Variants in PXN observed in about 807,000 individuals in gnomAD.
PXN encodes paxillin.
Under a neutral mutation model 103.6 loss-of-function variants are expected in PXN, and 61 were observed. The ratio of observed to expected loss-of-function variants is 0.59; its 90% CI spans 0.48 to 0.73. PXN has a LOEUF of 0.73. Ranked by LOEUF, PXN falls within the 30% of genes least tolerant of loss-of-function variation. The pLI is 0.00. For missense variants in PXN, 1,274 were observed against 1,460.3 expected, an observed-to-expected ratio of 0.87 and a Z score of 2.08; for synonymous variants, 562 against 607.8, an observed-to-expected ratio of 0.92 and a Z score of 1.11.
Position 120,212,819 on chromosome 12 carries a change from A to G in PXN, c.2980-239T>C. The G allele has an allele frequency of 4.7e-6, 2 of 429,090 alleles. No homozygotes were observed. The highest frequency in any genetic ancestry group is 8.2e-6 in the Non-Finnish European group (2 of 243,310). 26.6% of individuals were successfully genotyped at this position (429,090 alleles called of 1,614,324 possible). On this transcript the variant is annotated intron_variant, in intron 14 of 14. Transcript: ENST00000637617. This position sits in a 1 kb window ranked among gnomAD's most constrained non-coding sequence, Gnocchi z 7.2. ...ATGCTGGTCAAATGTGGCCTCCTGC[A>G]ATCCTCCCACCTCGGCCTCCCACAG...
rs925512408 is a variant in PXN at position 120,217,912 on chromosome 12, T to G, written c.1717-796A>C. Among the ~76,000 whole-genome samples, 1 of 149,282 alleles carries G rather than the reference T, an allele frequency of 6.7e-6. No homozygotes were observed. Among genetic ancestry groups the G allele is most frequent in the Non-Finnish European group, 1.5e-5 (1 of 67,420 alleles). On this transcript the variant is annotated intron_variant, in intron 7 of 14. Coordinates refer to ENST00000637617, the MANE Select transcript of PXN (RefSeq NM_001385981.1). The surrounding 1 kb of genome is among the most constrained non-coding windows in gnomAD (Gnocchi z 4.1). ...CGTGCTCAGCTAGCCAGGAACTTTT[T>G]TAACTAGTTTTTTTTTTCTTATTTA...
chr12:120,265,566 C>G lies in PXN; in HGVS notation c.13+51G>C. 1 of 1,477,486 alleles carries G rather than the reference C, an allele frequency of 6.8e-7. No homozygotes were observed. Among genetic ancestry groups the G allele is most frequent in the Non-Finnish European group, 8.9e-7 (1 of 1,119,614 alleles). 91.5% of individuals were successfully genotyped at this position (1,477,486 alleles called of 1,614,324 possible). On this transcript the variant is annotated intron_variant, in intron 1 of 14. Coordinates refer to ENST00000637617, the MANE Select transcript of PXN (RefSeq NM_001385981.1). This position sits in a 1 kb window ranked among gnomAD's most constrained non-coding sequence, Gnocchi z 5.7. ...GCCGCTCGCTGGCGCCCTCCTGGCC[C>G]CAAGCTGCGCGCCTCTCGCCTCCTC...
rs1455174702 is a variant in PXN, at chr12:120,225,082, G to C, written c.14-705C>G. The C allele has an allele frequency of 8.4e-6, 2 of 238,478 alleles. No individual in the cohort carries two copies. The highest frequency in any genetic ancestry group is 4.5e-5 in the African/African-American group (2 of 44,534). 14.8% of individuals were successfully genotyped at this position (238,478 alleles called of 1,614,324 possible). ...GCCCCAGAGGCTCCAGGCCCCCACT[G>C]TTCTGCTTTTAACAGCGGCAAGGGA... On this transcript the variant is annotated intron_variant, in intron 1 of 14. Transcript: ENST00000637617. The surrounding 1 kb of genome is among the most constrained non-coding windows in gnomAD (Gnocchi z 4.4).
intron 7 of PXN, among the ~76,000 whole-genome samples, chr12:120,218,595 C>G (rs1281689327): frequency 1.3e-5 from 2 of 152,258 alleles, no homozygotes; most frequent in African/African-American, 2.4e-5. Context: ...AGGCTGGCCT[C>G]GAACTCCCAA....
In PXN at chr12:120,242,114, G is replaced by A. The variant is rs150071976; in HGVS notation, c.14-17737C>T. Among the ~76,000 whole-genome samples the A allele has an allele frequency of 1.6e-3, 236 of 152,256 alleles. 1 individual carries two copies. Among genetic ancestry groups the A allele is most frequent in the African/African-American group, 5.3e-3 (222 of 41,542 alleles). On this transcript the variant is annotated intron_variant, in intron 1 of 14. Coordinates refer to ENST00000637617, the MANE Select transcript of PXN (RefSeq NM_001385981.1). ...TCAGGAGTTACACCAAGAACAGGCA[G>A]AGCCACAGTGTTCCCTGAGCCAGGG...
chr12:120,250,972 G>C (rs950029495), intron 1 of PXN, among the ~76,000 whole-genome samples: 3 of 152,226 alleles, frequency 2.0e-5, no homozygotes, highest in Non-Finnish European at 4.4e-5. Context: ...GGGAGGCCGA[G>C]GTGAGCAGAT....
chr12:120,261,059 T>A (rs1028965691), intron 1 of PXN, among the ~76,000 whole-genome samples: 1 of 152,202 alleles, frequency 6.6e-6, no homozygotes, highest in Non-Finnish European at 1.5e-5. Flanking sequence ...GTTTCCTCAC[T>A]TATAAAACAG....
chr12:120,243,389 A>T (rs1005557897), intron 1 of PXN, among the ~76,000 whole-genome samples: 8 of 152,164 alleles, frequency 5.3e-5, no homozygotes, highest in Admixed American at 3.3e-4. Context: ...TTGAGGTTCT[A>T]TTTAAACACA....
intron 1 of PXN, among the ~76,000 whole-genome samples, chr12:120,248,496 A>T (rs1202498784): frequency 5.5e-5 from 4 of 72,160 alleles, no homozygotes; most frequent in African/African-American, 2.2e-4. Flanking sequence ...TGACTTTCAC[A>T]CACACACACA....
Position 120,214,145 on chromosome 12 carries a change from CA to C in PXN, c.2820del (p.Phe940LeufsTer61). ...HFFCAQCGAFFGPEGFHEKDG... is the reference protein window; with the variant it reads ...HFFCAQCGAFXGPEGFHEKDG... ...CCGGTCCAGCCCGTACCTTCGGGAC[CA>C]AAGAAGGCTCCACACTGTGCACAGA... On this transcript the variant is annotated frameshift_variant, in exon 13 of 15. Coordinates refer to ENST00000637617, the MANE Select transcript of PXN (RefSeq NM_001385981.1). LOFTEE classifies it high-confidence loss of function. The surrounding 1 kb of genome is among the most constrained non-coding windows in gnomAD (Gnocchi z 5.0). The C allele has an allele frequency of 6.4e-7, 1 of 1,552,692 alleles. No homozygotes were observed. The highest frequency in any genetic ancestry group is 8.7e-7 in the Non-Finnish European group (1 of 1,147,734).
chr12:120,249,115 C>T (rs773046413), intron 1 of PXN, among the ~76,000 whole-genome samples: 12 of 151,816 alleles, frequency 7.9e-5, no homozygotes, highest in African/African-American at 1.7e-4. Flanking sequence ...CCAGCCTGGG[C>T]GACAGAGCAA....
At chr12:120,250,979 A>G (rs1291226972) in intron 1 of PXN, among the ~76,000 whole-genome samples, 1 of 151,970 alleles carries the variant, frequency 6.6e-6, no homozygotes, top group Admixed American at 6.6e-5. Context: ...CGAGGTGAGC[A>G]GATCACTTGA....
In PXN at chr12:120,263,123, G is replaced by C. The variant is rs188610942; in HGVS notation, c.13+2494C>G. ...GGGACCAGGAGGCACACGGCTGAGAGCACGCTCAGGAGAAAAATAAAAACA... is the reference window on the plus strand; with the variant it reads ...GGGACCAGGAGGCACACGGCTGAGACCACGCTCAGGAGAAAAATAAAAACA... On this transcript the variant is annotated intron_variant, in intron 1 of 14. Transcript: ENST00000637617. Among the ~76,000 whole-genome samples the C allele has an allele frequency of 2.4e-3, 372 of 152,260 alleles. 2 individuals are homozygous for C. Among genetic ancestry groups the C allele is most frequent in the African/African-American group, 8.6e-3 (357 of 41,536 alleles).
chr12:120,226,561 C>T (rs779241355), intron 1 of PXN: 22 of 1,208,896 alleles, frequency 1.8e-5, no homozygotes, highest in Admixed American at 6.2e-5. Flanking sequence ...ACCAAACACC[C>T]GCTCCACCAC....
At chr12:120,251,643 G>T (rs2136633401) in intron 1 of PXN, among the ~76,000 whole-genome samples, 1 of 151,756 alleles carries the variant, frequency 6.6e-6, no homozygotes, top group South Asian at 2.1e-4. Flanking sequence ...ATGGTGAAAC[G>T]CTGTCTCCAC....
rs1322716732 is a variant in PXN, at chr12:120,211,379, T to C, written c.*935A>G. On this transcript the variant is annotated 3_prime_UTR_variant, in exon 15 of 15. Coordinates refer to ENST00000637617, the MANE Select transcript of PXN (RefSeq NM_001385981.1). ...GGGGGAGTCACAGAGCTGCTCCCAG[T>C]TCACCTGCTTGTGCTAAGAAACAAT... 1 of 154,710 alleles carries C rather than the reference T, an allele frequency of 6.5e-6. No individual in the cohort carries two copies. The highest frequency in any genetic ancestry group is 1.4e-5 in the Non-Finnish European group (1 of 69,470). 9.6% of individuals were successfully genotyped at this position (154,710 alleles called of 1,614,324 possible).
At chr12:120,257,556 G>GT (rs1212652249) in intron 1 of PXN, among the ~76,000 whole-genome samples, 2 of 152,192 alleles carry the variant, frequency 1.3e-5, no homozygotes, top group Non-Finnish European at 2.9e-5. Context: ...GTAGGCACCA[G>GT]GGCCCTCACC....
chr12:120,242,866 G>C (rs934191779), intron 1 of PXN, among the ~76,000 whole-genome samples: 1 of 148,904 alleles, frequency 6.7e-6, no homozygotes, highest in African/African-American at 2.6e-5. Context: ...GAGCGACAGA[G>C]CGAGACTCGG....
Position 120,224,392 on chromosome 12 carries a change from C to T in PXN, c.14-15G>A, listed in dbSNP as rs776036537. ...CAGCAGGGCGTCTGCAAAGAGAAGG[C>T]ACGGGTAGCAGGTGAGAACCGGGAT... On this transcript the variant is annotated splice_polypyrimidine_tract_variant and intron_variant, in intron 1 of 14. Transcript: ENST00000637617. The surrounding 1 kb of genome is among the most constrained non-coding windows in gnomAD (Gnocchi z 5.0). The T allele has an allele frequency of 6.3e-7, 1 of 1,597,542 alleles. No homozygotes were observed. The highest frequency in any genetic ancestry group is 8.6e-7 in the Non-Finnish European group (1 of 1,165,432).
Sources: gnomAD v4.1 joint callset for allele counts (sites outside exome capture counted in the v4.1 genomes callset) on GRCh38, gnomAD v4.1.1 for gene constraint, Gnocchi (gnomAD v3.1) non-coding constraint, MANE v1.5 for transcripts, NCBI Gene and HGNC (gene_info 2026-07-23, HGNC 2026-07-21) for gene names.